Variants in PHACTR4 observed in about 807,000 individuals in gnomAD.
PHACTR4 encodes protein phosphatase 1, regulatory subunit 124.
Under a neutral mutation model 72.7 loss-of-function variants are expected in PHACTR4, and 51 were observed. The observed-to-expected ratio is 0.70, with a 90% CI of 0.56 to 0.89. The LOEUF (loss-of-function observed/expected upper bound fraction) is 0.89. Ranked by LOEUF, PHACTR4 falls within the 40% of genes least tolerant of loss-of-function variation. The pLI is 0.00. For synonymous variants in PHACTR4, 255 were observed against 302.5 expected (o/e 0.84, Z 1.63); for missense variants, 731 against 861.8 (o/e 0.85, Z 1.90).
chr1:28,457,590 G>A (rs1174983309), intron 2 of PHACTR4, among the ~76,000 whole-genome samples: 1 of 151,928 alleles, frequency 6.6e-6, no homozygotes, highest in Non-Finnish European at 1.5e-5. Context: ...GCAACAGAGT[G>A]AGACCCTGTT....
Position 28,499,986 on chromosome 1 carries a change from C to T in PHACTR4, c.*3437C>T, listed in dbSNP as rs1009907617. The T allele has an allele frequency of 6.6e-6, 1 of 152,084 alleles. No homozygotes were observed. The highest frequency in any genetic ancestry group is 1.5e-5 in the Non-Finnish European group (1 of 68,008). The allele number at this position is 152,084 out of a possible 1,614,324, so 9.4% of individuals were successfully genotyped here. Reference sequence around the variant, plus strand: ...ACCCTTCTTTCACTACCTTTCTTACCCTTAATGTGCCAAGCTTGAAACAGG... The same window carrying T: ...ACCCTTCTTTCACTACCTTTCTTACTCTTAATGTGCCAAGCTTGAAACAGG... On this transcript the variant is annotated 3_prime_UTR_variant, in exon 14 of 14. Transcript: ENST00000373839.
chr1:28,453,123 AAAAT>A lies in PHACTR4; in HGVS notation c.17-5950_17-5947del, dbSNP rs541291126. Among the ~76,000 whole-genome samples, 144 of 152,302 alleles carry A rather than the reference AAAAT, an allele frequency of 9.5e-4. 1 individual carries two copies. Among genetic ancestry groups the A allele is most frequent in the African/African-American group, 3.2e-3 (132 of 41,570 alleles). On this transcript the variant is annotated intron_variant, in intron 2 of 13. Transcript: ENST00000373839. ...AACAAGAATGAAACTTTGTCTCAAA[AAAAT>A]AAATAAATAAAAATAAAAATGAATT... is the stretch of plus-strand genomic sequence containing the variant.
chr1:28,380,120 G>T (rs1367348939), intron 1 of PHACTR4, among the ~76,000 whole-genome samples: 1 of 135,090 alleles, frequency 7.4e-6, no homozygotes, highest in Non-Finnish European at 1.6e-5. Context: ...GCAGTGGCGC[G>T]ATCTCGGCTC....
intron 8 of PHACTR4, among the ~76,000 whole-genome samples, chr1:28,477,804 A>G (rs1660017794): frequency 6.6e-6 from 1 of 151,722 alleles, no homozygotes; most frequent in African/African-American, 2.4e-5. Flanking sequence ...CTCCAACCTC[A>G]GCCTCCCAAG....
chr1:28,370,309 C>T (rs903017839), intron 1 of PHACTR4, among the ~76,000 whole-genome samples: 1 of 152,204 alleles, frequency 6.6e-6, no homozygotes, highest in Non-Finnish European at 1.5e-5. Flanking sequence ...GGCGGAGTTT[C>T]TGTAAAAACC....
At chr1:28,483,427 C>T (rs1167706849) in intron 9 of PHACTR4, among the ~76,000 whole-genome samples, 3 of 150,928 alleles carry the variant, frequency 2.0e-5, no homozygotes, top group Non-Finnish European at 4.4e-5. Flanking sequence ...CCAGCCCAGT[C>T]ATCAGAGCAA....
chr1:28,490,251 A>G (rs956038349), intron 10 of PHACTR4, among the ~76,000 whole-genome samples: 2 of 152,128 alleles, frequency 1.3e-5, no homozygotes, highest in South Asian at 4.1e-4. Context: ...GCCATCCCCA[A>G]AGTTAGTATT....
intron 2 of PHACTR4, among the ~76,000 whole-genome samples, chr1:28,442,182 T>C (rs1258745128): frequency 6.6e-6 from 1 of 152,046 alleles, no homozygotes; most frequent in Non-Finnish European, 1.5e-5. Flanking sequence ...AATGTATTTT[T>C]TTGGCTGGGC....
At chr1:28,495,480 G>A (rs1171046781) in intron 13 of PHACTR4, among the ~76,000 whole-genome samples, 1 of 152,070 alleles carries the variant, frequency 6.6e-6, no homozygotes, top group African/African-American at 2.4e-5. Context: ...TTAGTTTGAG[G>A]AGCCTATGAC....
chr1:28,494,298 C>T (rs1476654552), intron 13 of PHACTR4: 1 of 152,008 alleles, frequency 6.6e-6, no homozygotes, highest in African/African-American at 2.4e-5. Flanking sequence ...GGGAGGATCA[C>T]TTTGAGACCA....
intron 2 of PHACTR4, among the ~76,000 whole-genome samples, chr1:28,408,167 C>T (rs1048224042): frequency 1.3e-5 from 2 of 152,222 alleles, no homozygotes; most frequent in Non-Finnish European, 2.9e-5. Flanking sequence ...CACTCAGTAA[C>T]TTATGTATAC....
At chr1:28,450,932 TC>T (rs1412705110) in intron 2 of PHACTR4, among the ~76,000 whole-genome samples, 1 of 144,838 alleles carries the variant, frequency 6.9e-6, no homozygotes, top group Non-Finnish European at 1.5e-5. Context: ...TGCCTCAGCC[TC>T]CCCAGTAGCT....
intron 1 of PHACTR4, among the ~76,000 whole-genome samples, chr1:28,399,467 T>G (rs1214736807): frequency 6.6e-6 from 1 of 152,202 alleles, no homozygotes; most frequent in South Asian, 2.1e-4. Flanking sequence ...AACTTGTTCC[T>G]TTGAAGTTAT....
intron 2 of PHACTR4, among the ~76,000 whole-genome samples, chr1:28,436,378 A>T (rs75890846): frequency 6.6e-6 from 1 of 152,012 alleles, no homozygotes; most frequent in Non-Finnish European, 1.5e-5. Context: ...CTGAGACTAC[A>T]GGTGCACGCC....
chr1:28,392,765 T>C (rs944979392), intron 1 of PHACTR4, among the ~76,000 whole-genome samples: 3 of 152,130 alleles, frequency 2.0e-5, no homozygotes, highest in South Asian at 2.1e-4. Flanking sequence ...AAAAATCTTA[T>C]GCCAAGATTG....
At chr1:28,416,197 A>G (rs1655095414) in intron 2 of PHACTR4, among the ~76,000 whole-genome samples, 1 of 152,170 alleles carries the variant, frequency 6.6e-6, no homozygotes, top group Middle Eastern at 3.2e-3. Flanking sequence ...ACATGATGCC[A>G]AAATTGATGC....
intron 2 of PHACTR4, among the ~76,000 whole-genome samples, chr1:28,441,896 G>A (rs1417710837): frequency 6.6e-6 from 1 of 152,094 alleles, no homozygotes; most frequent in East Asian, 1.9e-4. Context: ...GGAAGCTTAG[G>A]TGGGAGGATC....
chr1:28,489,011 T>C (rs1017500389), intron 9 of PHACTR4, among the ~76,000 whole-genome samples, 159 bp from the exon 10 acceptor site: 15 of 152,240 alleles, frequency 9.9e-5, no homozygotes, highest in African/African-American at 3.6e-4. Flanking sequence ...AATGTGAAAT[T>C]GTTTTATAAA....
intron 13 of PHACTR4, among the ~76,000 whole-genome samples, chr1:28,495,627 TA>T (rs1395056202): frequency 9.2e-4 from 127 of 138,532 alleles, no homozygotes; most frequent in African/African-American, 3.1e-3. Flanking sequence ...TTTTTTTTTT[TA>T]TTTTTTGAGA....
Sources: gnomAD v4.1 joint callset for allele counts (sites outside exome capture counted in the v4.1 genomes callset) on GRCh38, gnomAD v4.1.1 for gene constraint, MANE v1.5 for transcripts, NCBI Gene and HGNC (gene_info 2026-07-23, HGNC 2026-07-21) for gene names.